ENAH: variants seen among roughly 807,000 people sequenced by gnomAD.
ENAH encodes the protein protein enabled homolog.
In ENAH, 23 loss-of-function variants were observed where a neutral mutation model predicts 78.7. The ratio of observed to expected loss-of-function variants is 0.29; its 90% CI spans 0.21 to 0.41. The LOEUF is 0.41. ENAH is among the 10% of genes least tolerant of loss of function. ENAH has a pLI of 1.00. For missense variants in ENAH, 544 were observed against 691.0 expected, an observed-to-expected ratio of 0.79 and a Z score of 2.39; for synonymous variants, 226 against 241.0, an observed-to-expected ratio of 0.94 and a Z score of 0.58.
At chr1:225,604,621 CAAAAAAAAAA>C (rs762454618) in intron 1 of ENAH, among the ~76,000 whole-genome samples, 1 of 88,964 alleles carries the variant, frequency 1.1e-5, no homozygotes, top group Non-Finnish European at 2.5e-5. Flanking sequence ...CCGTCTCTAC[CAAAAAAAAAA>C]AAAAAAAAAA....
chr1:225,528,490 GA>G (rs1373168162), intron 4 of ENAH, among the ~76,000 whole-genome samples: 10 of 152,158 alleles, frequency 6.6e-5, no homozygotes, highest in Admixed American at 3.9e-4. Context: ...CAGCCATAAG[GA>G]ATGCTGAGCA....
intron 2 of ENAH, among the ~76,000 whole-genome samples, chr1:225,561,306 A>C (rs2096704278): frequency 6.6e-6 from 1 of 151,696 alleles, no homozygotes. Flanking sequence ...CAGTACTGCA[A>C]ATAATCTTTA....
At chr1:225,633,037 G>T (rs1659385087) in intron 1 of ENAH, among the ~76,000 whole-genome samples, 1 of 147,854 alleles carries the variant, frequency 6.8e-6, no homozygotes, top group Admixed American at 6.6e-5. Flanking sequence ...GTCACTCAAA[G>T]TCTTTTTTTT....
chr1:225,621,288 C>CT (rs1363452558), intron 1 of ENAH, among the ~76,000 whole-genome samples: 31 of 150,370 alleles, frequency 2.1e-4, no homozygotes, highest in African/African-American at 6.8e-4. Flanking sequence ...TTCTTTAAAT[C>CT]TATCTCTCTT....
chr1:225,531,186 A>C (rs1030724294), intron 3 of ENAH: 6 of 396,186 alleles, frequency 1.5e-5, no homozygotes, highest in Non-Finnish European at 2.2e-5. Context: ...CATTTCCAGC[A>C]CTGGTGAAAA....
intron 5 of ENAH, among the ~76,000 whole-genome samples, chr1:225,518,472 G>A (rs2096439833): frequency 6.6e-6 from 1 of 152,014 alleles, no homozygotes; most frequent in Non-Finnish European, 1.5e-5. Context: ...TGTTTTGTTG[G>A]CCATAACTCC....
intron 1 of ENAH, among the ~76,000 whole-genome samples, chr1:225,644,638 T>C (rs190837605): frequency 1.0e-3 from 152 of 152,268 alleles, no homozygotes; most frequent in African/African-American, 3.2e-3. Context: ...TGGTTCTTCA[T>C]AAAGCTCCCC....
At chr1:225,533,202 A>C (rs1380969181) in intron 3 of ENAH, among the ~76,000 whole-genome samples, 1 of 152,180 alleles carries the variant, frequency 6.6e-6, no homozygotes. Context: ...GTACACAATT[A>C]CATTTTTCCT....
At chr1:225,531,196 A>G in intron 3 of ENAH, 1 of 396,030 alleles carries the variant, frequency 2.5e-6, no homozygotes, top group East Asian at 3.6e-5. Context: ...ACTGGTGAAA[A>G]CAAACATTTG....
intron 1 of ENAH, among the ~76,000 whole-genome samples, chr1:225,596,906 A>G (rs1363558370): frequency 6.6e-6 from 1 of 152,236 alleles, no homozygotes; most frequent in Non-Finnish European, 1.5e-5. Context: ...AATGAAAATT[A>G]AAACATCTGA....
At chr1:225,571,529 G>A (rs1306393484) in intron 1 of ENAH, among the ~76,000 whole-genome samples, 1 of 152,080 alleles carries the variant, frequency 6.6e-6, no homozygotes, top group Non-Finnish European at 1.5e-5. Flanking sequence ...GCTCCTCAAA[G>A]TGTCTTTGGT....
chr1:225,578,626 C>A (rs2096799748), intron 1 of ENAH, among the ~76,000 whole-genome samples: 1 of 152,184 alleles, frequency 6.6e-6, no homozygotes, highest in African/African-American at 2.4e-5. Context: ...TCAAGCAATG[C>A]TCTTTCTTGT....
chr1:225,524,712 A>T, intron 4 of ENAH: 1 of 908,732 alleles, frequency 1.1e-6, no homozygotes, highest in Non-Finnish European at 1.3e-6. Flanking sequence ...CGCAATTATT[A>T]TTCCCCTTTT....
chr1:225,535,654 CA>C, intron 3 of ENAH: 2 of 620,754 alleles, frequency 3.2e-6, no homozygotes, highest in South Asian at 3.2e-5. Flanking sequence ...TTGAAATGTT[CA>C]AAATGTATTT....
chr1:225,487,216 C>A lies in ENAH; in HGVS notation c.*10559G>T, dbSNP rs937090711. On this transcript the variant is annotated 3_prime_UTR_variant, in exon 14 of 14. Transcript: ENST00000366843. Reference sequence around the variant, plus strand: ...ATTTTGCAGCAGGAGCTGCTACTTTCTGGCAAGTCCTTCCTAGGTTGGCTC... The same window carrying A: ...ATTTTGCAGCAGGAGCTGCTACTTTATGGCAAGTCCTTCCTAGGTTGGCTC... 1.3e-5 allele frequency: 2 copies of A among 152,242 alleles called. No individual in the cohort carries two copies. 9.4% of individuals were successfully genotyped at this position (152,242 alleles called of 1,614,324 possible). A position where few individuals can be genotyped will look rare whatever the true frequency, so the allele number is the denominator to read the frequency against.
At chr1:225,652,554 G>C (rs188000671) in intron 1 of ENAH, 132 bp downstream of exon 1, 9 of 1,063,338 alleles carry the variant, frequency 8.5e-6, no homozygotes, top group South Asian at 8.7e-5. Flanking sequence ...AAAGGCGGAG[G>C]GGGGAGGAAC....
At chr1:225,516,556 G>C (rs563528617) in intron 6 of ENAH, among the ~76,000 whole-genome samples, 1 of 152,098 alleles carries the variant, frequency 6.6e-6, no homozygotes, top group Admixed American at 6.6e-5. Context: ...GTAGATCAAC[G>C]TGTCAAGCAA....
Position 225,500,995 on chromosome 1 carries a change from C to T in ENAH, c.1614G>A (p.Lys538=). The T allele has an allele frequency of 1.9e-6, 3 of 1,614,010 alleles. No homozygotes were observed. The South Asian group carries it at 3.3e-5, about 18-fold the overall frequency. The change falls in exon 12 of 14, where the codon AAG becomes AAA. Residue 538 remains lysine, a synonymous_variant. Coordinates refer to ENST00000366843, the MANE Select transcript of ENAH (RefSeq NM_018212.6). ...QTEGLDYDRL[K]QDILDEMRKE... ...AAAGCTGCCACTGAGCACCCACCTG[C>T]TTCAGCCTGTCATAGTCAAGTCCTT... is the stretch of plus-strand genomic sequence containing the variant.
At chr1:225,578,948 C>A (rs548566664) in intron 1 of ENAH, among the ~76,000 whole-genome samples, 1 of 152,100 alleles carries the variant, frequency 6.6e-6, no homozygotes, top group African/African-American at 2.4e-5. Flanking sequence ...AATAATACTA[C>A]TAATAATAGT....
Sources: allele counts gnomAD v4.1 joint callset (sites outside exome capture counted in the v4.1 genomes callset), GRCh38; gene constraint gnomAD v4.1.1; transcripts MANE v1.5; gene names NCBI Gene and HGNC (gene_info 2026-07-23, HGNC 2026-07-21).